The following ZNF286A variants were observed in gnomAD, a reference collection of about 807,000 sequenced individuals.
The protein encoded by ZNF286A is zinc finger protein 286A, also known as zinc finger protein ZNF286.
A neutral mutation model predicts 49.3 loss-of-function variants in ZNF286A; 34 were observed. The ratio of observed to expected loss-of-function variants is 0.69; its 90% confidence interval spans 0.52 to 0.92. The LOEUF (loss-of-function observed/expected upper bound fraction) is 0.92. Ranked by LOEUF, ZNF286A falls within the 40% of genes least tolerant of loss-of-function variation. ZNF286A has a pLI of 0.00. For synonymous variants in ZNF286A, 155 were observed against 200.4 expected (o/e 0.77, Z 1.91); for missense variants, 462 against 600.2 (o/e 0.77, Z 2.41).
chr17:15,703,232 A>G (rs1454177977), intron 3 of ZNF286A, among the ~76,000 whole-genome samples: 1 of 152,064 alleles, frequency 6.6e-6, no homozygotes, highest in African/African-American at 2.4e-5. Flanking sequence ...CATAGTAGCT[A>G]GGGGAAAATT....
Position 15,718,622 on chromosome 17 carries a change from A to G in ZNF286A, c.*1332A>G, listed in dbSNP as rs925244400. ...ATGAGTGGAAAACAAGGCACGGAAA[A>G]TAGCTCACAGGATAGTCCTCAACTG... On this transcript the variant is annotated 3_prime_UTR_variant, in exon 6 of 6. Transcript: ENST00000583566. 5 of 151,424 alleles carry G rather than the reference A, an allele frequency of 3.3e-5. No individual in the cohort carries two copies. The highest frequency in any genetic ancestry group is 2.6e-4 in the Admixed American group (4 of 15,174). 9.4% of individuals were successfully genotyped at this position (151,424 alleles called of 1,614,324 possible).
rs1459105815 is a variant in ZNF286A, at chr17:15,709,777, T to C, written c.334+1530T>C. The C allele has an allele frequency of 2.0e-6, 3 of 1,533,026 alleles. No homozygotes were observed. In the Admixed American group the frequency reaches 6.1e-5, roughly 31 times the overall value. 95.0% of individuals were successfully genotyped at this position (1,533,026 alleles called of 1,614,324 possible). A position where few individuals can be genotyped will look rare whatever the true frequency, so the allele number is the denominator to read the frequency against. ...AACTACTGTGGAGTCATAAGTCCAC[T>C]GTATGAATAAACTGAACAGTTTATT... On this transcript the variant is annotated intron_variant, in intron 5 of 5. Coordinates refer to ENST00000583566, the MANE Select transcript of ZNF286A (RefSeq NM_001130842.2).
In ZNF286A at chr17:15,704,943, G is replaced by GCGTTCTT. The variant is rs1990102927; in HGVS notation, c.127-1441_127-1435dup. ...GGCGGGTCCCCCCGGCCCCCTTCCT[G>GCGTTCTT]CGTTCTTCGGTCCGCCGGCCGGGGC... On this transcript the variant is annotated intron_variant, in intron 3 of 5. Transcript: ENST00000583566. The GCGTTCTT allele has an allele frequency of 2.6e-6, 4 of 1,516,690 alleles. No individual in the cohort carries two copies. In the South Asian group the frequency reaches 4.9e-5, roughly 19 times the overall value. 94.0% of individuals were successfully genotyped at this position (1,516,690 alleles called of 1,614,324 possible).
In ZNF286A at chr17:15,718,565, C is replaced by T. The variant is rs1364184238; in HGVS notation, c.*1275C>T. The T allele has an allele frequency of 6.6e-6, 1 of 150,500 alleles. No individual in the cohort carries two copies. Among genetic ancestry groups the T allele is most frequent in the Non-Finnish European group, 1.5e-5 (1 of 67,794 alleles). The allele number at this position is 150,500 out of a possible 1,614,324, so 9.3% of individuals were successfully genotyped here. On this transcript the variant is annotated 3_prime_UTR_variant, in exon 6 of 6. Transcript: ENST00000583566. The stretch of plus-strand genomic sequence containing the variant: ...GGGTCCCAGTAAAGAAGAACTGAAG[C>T]AACTGTGAGACACCAGGGCATACTT...
intron 4 of ZNF286A, 107 bp downstream of exon 4, chr17:15,706,608 GTGTT>G: frequency 2.6e-6 from 2 of 772,398 alleles, no homozygotes; most frequent in Non-Finnish European, 4.0e-6. Context: ...GAGTCAAAAA[GTGTT>G]AATTCTTTTT....
intron 5 of ZNF286A, among the ~76,000 whole-genome samples, chr17:15,708,906 T>A (rs991734539): frequency 6.6e-6 from 1 of 152,248 alleles, no homozygotes; most frequent in African/African-American, 2.4e-5. Context: ...TATGTACACT[T>A]TTTAAATGCC....
At chr17:15,714,185 T>TC (rs1966906383) in intron 5 of ZNF286A, among the ~76,000 whole-genome samples, 1 of 151,926 alleles carries the variant, frequency 6.6e-6, no homozygotes, top group African/African-American at 2.4e-5. Context: ...AACTGGCTTT[T>TC]TTTTTTTTTT....
intron 3 of ZNF286A, among the ~76,000 whole-genome samples, chr17:15,704,066 ATT>A (rs201458335): frequency 4.9e-5 from 7 of 144,168 alleles, no homozygotes; most frequent in South Asian, 2.2e-4. Context: ...TATTATTATT[ATT>A]TTTTTTTTTT....
rs183368982 is a variant in ZNF286A, at chr17:15,720,163, G to T, written c.*2873G>T. The T allele has an allele frequency of 1.3e-5, 2 of 152,038 alleles. No individual in the cohort carries two copies. Among genetic ancestry groups the T allele is most frequent in the Admixed American group, 1.3e-4 (2 of 15,266 alleles). The allele number at this position is 152,038 out of a possible 1,614,324, so 9.4% of individuals were successfully genotyped here. Reference sequence around the variant, plus strand: ...TATCTGTATTAGGTTTCAACAAAGGGAATAAATCATTGGCTTCTCATGAGG... The same window carrying T: ...TATCTGTATTAGGTTTCAACAAAGGTAATAAATCATTGGCTTCTCATGAGG... On this transcript the variant is annotated 3_prime_UTR_variant, in exon 6 of 6. Coordinates refer to ENST00000583566, the MANE Select transcript of ZNF286A (RefSeq NM_001130842.2).
chr17:15,717,457 T>C lies in ZNF286A; in HGVS notation c.*167T>C. 5 of 1,193,220 alleles carry C rather than the reference T, an allele frequency of 4.2e-6. No homozygotes were observed. The highest frequency in any genetic ancestry group is 5.6e-6 in the Non-Finnish European group (5 of 887,432). 73.9% of individuals were successfully genotyped at this position (1,193,220 alleles called of 1,614,324 possible). On this transcript the variant is annotated 3_prime_UTR_variant, in exon 6 of 6. Transcript: ENST00000583566. Reference sequence around the variant, plus strand: ...TTGAGCCATAAGCAGGTTCTTTATGTCCGTTAATTTGATAATTATGAAATC... The same window carrying C: ...TTGAGCCATAAGCAGGTTCTTTATGCCCGTTAATTTGATAATTATGAAATC...
intron 5 of ZNF286A, chr17:15,709,711 A>G: frequency 9.4e-7 from 1 of 1,058,418 alleles, no homozygotes; most frequent in Non-Finnish European, 1.3e-6. Flanking sequence ...GTATTTCGAT[A>G]TTAATCTATG....
intron 5 of ZNF286A, among the ~76,000 whole-genome samples, chr17:15,710,224 A>C (rs1215349814): frequency 6.6e-6 from 1 of 152,184 alleles, no homozygotes; most frequent in Non-Finnish European, 1.5e-5. Context: ...GGTTCTTCTA[A>C]TCTTTGGCTT....
Position 15,706,390 on chromosome 17 carries a change from A to G in ZNF286A, c.130A>G (p.Thr44Ala), listed in dbSNP as rs752382790. The G allele has an allele frequency of 1.9e-6, 3 of 1,612,976 alleles. No homozygotes were observed. In the East Asian group the frequency reaches 6.7e-5, roughly 36 times the overall value. The change falls in exon 4 of 6, where the codon ACA (threonine) becomes GCA (alanine). Residue 44 changes from threonine to alanine, a missense_variant. By Grantham distance (58) the Thr-to-Ala change is moderately conservative. Transcript: ENST00000583566. ...AAAAAAATATTTTATGTTTTAGGAA[A>G]CAGTGACATTCAAGGATGTGGCCAT... ...ALRLTARSQE[T>A]VTFKDVAMDF...
At chr17:15,713,778 A>G (rs1226573824) in intron 5 of ZNF286A, among the ~76,000 whole-genome samples, 3 of 150,810 alleles carry the variant, frequency 2.0e-5, no homozygotes, top group Non-Finnish European at 3.0e-5. Flanking sequence ...TTAGGAAGCC[A>G]TCAAGCTCTC....
chr17:15,711,122 C>T (rs1186354588), intron 5 of ZNF286A, among the ~76,000 whole-genome samples: 1 of 152,062 alleles, frequency 6.6e-6, no homozygotes. Context: ...CCGTGTTAGC[C>T]AGGGTGGTCT....
intron 5 of ZNF286A, among the ~76,000 whole-genome samples, chr17:15,709,502 C>A (rs1168295634): frequency 1.3e-5 from 2 of 151,380 alleles, no homozygotes; most frequent in African/African-American, 4.8e-5. Flanking sequence ...AAAAAAAAAA[C>A]AAAAAGCAAA....
intron 4 of ZNF286A, among the ~76,000 whole-genome samples, chr17:15,707,534 T>C (rs1200373104): frequency 6.6e-6 from 1 of 152,132 alleles, no homozygotes; most frequent in African/African-American, 2.4e-5. Flanking sequence ...GTTACAGTTA[T>C]GTGGTGCTGC....
rs566390201 is a variant in ZNF286A at position 15,717,631 on chromosome 17, C to T, written c.*341C>T. 1.7e-5 allele frequency: 4 copies of T among 234,804 alleles called. No homozygotes were observed. The East Asian group carries it at 3.8e-4, about 23-fold the overall frequency. The allele number at this position is 234,804 out of a possible 1,614,324, so 14.5% of individuals were successfully genotyped here. A position where few individuals can be genotyped will look rare whatever the true frequency, so the allele number is the denominator to read the frequency against. On this transcript the variant is annotated 3_prime_UTR_variant, in exon 6 of 6. Transcript: ENST00000583566. ...TATGTCAGAGCTTTGTTGTAAGCCTCTCACTTTGTAAGGAAATTCTTATTG... is the reference window on the plus strand; with the variant it reads ...TATGTCAGAGCTTTGTTGTAAGCCTTTCACTTTGTAAGGAAATTCTTATTG...
chr17:15,701,916 A>G (rs1333661968), intron 3 of ZNF286A, among the ~76,000 whole-genome samples: 1 of 151,792 alleles, frequency 6.6e-6, no homozygotes, highest in Admixed American at 6.6e-5. Flanking sequence ...AGGTGAGGAG[A>G]TTGAGACCAT....
Sources: gnomAD v4.1 joint callset for allele counts (sites outside exome capture counted in the v4.1 genomes callset) on GRCh38, gnomAD v4.1.1 for gene constraint, MANE v1.5 for transcripts, NCBI Gene and HGNC (gene_info 2026-07-23, HGNC 2026-07-21) for gene names.